Variants in DNAH11 observed in about 807,000 individuals in gnomAD.
The protein encoded by DNAH11 is axonemal beta dynein heavy chain 11.
A neutral mutation model predicts 526.0 loss-of-function variants in DNAH11; 442 were observed. That is an observed-to-expected ratio of 0.84 (90% CI 0.78 to 0.91). The LOEUF is 0.91. Ranked by LOEUF, DNAH11 falls within the 40% of genes least tolerant of loss-of-function variation. DNAH11 has a pLI of 0.00. For synonymous variants in DNAH11, 2,461 were observed against 1,935.9 expected (o/e 1.27, Z -7.12); for missense variants, 6,989 against 5,448.7 (o/e 1.28, Z -8.90).
chr7:21,898,369 GCC>G (rs776367138), intron 79 of DNAH11, among the ~76,000 whole-genome samples: 4 of 152,162 alleles, frequency 2.6e-5, no homozygotes, highest in East Asian at 3.9e-4. Context: ...AGCATTCTGA[GCC>G]TTTTCTTCTT....
intron 55 of DNAH11, among the ~76,000 whole-genome samples, chr7:21,771,609 G>T (rs1206440099): frequency 6.6e-6 from 1 of 152,074 alleles, no homozygotes; most frequent in Non-Finnish European, 1.5e-5. Flanking sequence ...CATCTTAGTG[G>T]GGAAACCTTG....
rs1020429478 is a variant in DNAH11, at chr7:21,688,746, C to T, written c.5924+1219C>T. ...GGGCCAAGACCTTTCAAATTATGTT[C>T]GAAATCTAAATGCTTCTCAACACAA... On this transcript the variant is annotated intron_variant, in intron 34 of 81. Coordinates refer to ENST00000409508, the MANE Select transcript of DNAH11 (RefSeq NM_001277115.2). 3.9e-5 allele frequency among the ~76,000 whole-genome samples: 6 copies of T among 152,206 alleles called. No individual in the cohort carries two copies. The South Asian group carries it at 1.0e-3, about 26-fold the overall frequency.
intron 9 of DNAH11, among the ~76,000 whole-genome samples, chr7:21,585,760 T>C (rs1784460721): frequency 6.6e-6 from 1 of 152,126 alleles, no homozygotes; most frequent in Admixed American, 6.5e-5. Flanking sequence ...CTAGGAAAAA[T>C]ATAAATATGT....
At chr7:21,741,355 A>G (rs1785886228) in intron 48 of DNAH11, among the ~76,000 whole-genome samples, 1 of 152,232 alleles carries the variant, frequency 6.6e-6, no homozygotes, top group Admixed American at 6.5e-5. Context: ...CATCTACTGA[A>G]GGACACCTTG....
chr7:21,616,342 C>G (rs1294848382), intron 22 of DNAH11, 50 bp downstream of exon 22: 1 of 1,401,806 alleles, frequency 7.1e-7, no homozygotes, highest in Non-Finnish European at 1.0e-6. Flanking sequence ...TCAGCACCAC[C>G]TCCTTCCATC....
chr7:21,788,558 A>G (rs1312139385), intron 60 of DNAH11, among the ~76,000 whole-genome samples: 1 of 152,012 alleles, frequency 6.6e-6, no homozygotes, highest in Non-Finnish European at 1.5e-5. Context: ...AAGAAAATTT[A>G]ATTTCCTTCC....
rs776718319 is a variant in DNAH11 at position 21,872,123 on chromosome 7, C to CAAAAAAAAAAAAAAAAAA, written c.11968-1142_11968-1125dup. ...TGGGTGACAGAGCGAGACTCTGTCTCAAAAAAAAAAAAAAAAAAAAAAAAA... is the reference window on the plus strand; with the variant it reads ...TGGGTGACAGAGCGAGACTCTGTCTCAAAAAAAAAAAAAAAAAAAAAAAAAAAAAAAAAAAAAAAAAAA... On this transcript the variant is annotated intron_variant, in intron 73 of 81. Coordinates refer to ENST00000409508, the MANE Select transcript of DNAH11 (RefSeq NM_001277115.2). Among the ~76,000 whole-genome samples, 64 of 30,830 alleles carry CAAAAAAAAAAAAAAAAAA rather than the reference C, an allele frequency of 2.1e-3. 18 individuals are homozygous for CAAAAAAAAAAAAAAAAAA. The highest frequency in any genetic ancestry group is 2.6e-3 in the Non-Finnish European group (47 of 17,974). 20.2% of individuals were successfully genotyped at this position (30,830 alleles called of 152,430 possible). A position where few individuals can be genotyped will look rare whatever the true frequency, so the allele number is the denominator to read the frequency against.
intron 2 of DNAH11, among the ~76,000 whole-genome samples, chr7:21,547,452 A>G (rs1782846927): frequency 6.6e-6 from 1 of 152,220 alleles, no homozygotes; most frequent in South Asian, 2.1e-4. Context: ...CAGTTACAGC[A>G]GGTAATTTAC....
At chr7:21,689,581 T>A (rs903216398) in intron 34 of DNAH11, among the ~76,000 whole-genome samples, 9 of 152,252 alleles carry the variant, frequency 5.9e-5, no homozygotes, top group African/African-American at 2.2e-4. Context: ...AAGAGGCAGT[T>A]ATTCTGTGGC....
intron 65 of DNAH11, among the ~76,000 whole-genome samples, chr7:21,823,917 G>C (rs1790161837): frequency 6.6e-6 from 1 of 152,138 alleles, no homozygotes; most frequent in African/African-American, 2.4e-5. Context: ...GCTAAAACCT[G>C]ATGACCTTGG....
chr7:21,691,623 G>A (rs1246195797), intron 35 of DNAH11, among the ~76,000 whole-genome samples: 1 of 152,136 alleles, frequency 6.6e-6, no homozygotes, highest in Non-Finnish European at 1.5e-5. Context: ...ATGTTTTCTA[G>A]CCTCCTTTTA....
chr7:21,587,879 T>G (rs1207051459), intron 9 of DNAH11, among the ~76,000 whole-genome samples, 185 bp from the exon 10 acceptor site: 1 of 152,118 alleles, frequency 6.6e-6, no homozygotes. Flanking sequence ...CATCTAGAAT[T>G]GGTTTATTGG....
intron 28 of DNAH11, among the ~76,000 whole-genome samples, chr7:21,646,743 G>A (rs1408811765): frequency 6.6e-6 from 1 of 152,172 alleles, no homozygotes; most frequent in Non-Finnish European, 1.5e-5. Context: ...TTTCCTGGTA[G>A]CGGGGAATAA....
chr7:21,726,891 A>AAAAAAG lies in DNAH11; in HGVS notation c.7440+907_7440+908insAAAAAG, dbSNP rs1269603324. ...AAAAAAAAAAAAAAAAAAAAAAAAA[A>AAAAAAG]GAATGCTTAGTGAGATGTCTGTTAT... On this transcript the variant is annotated intron_variant, in intron 45 of 81. Coordinates refer to ENST00000409508, the MANE Select transcript of DNAH11 (RefSeq NM_001277115.2). Among the ~76,000 whole-genome samples, 3 of 114,748 alleles carry AAAAAAG rather than the reference A, an allele frequency of 2.6e-5. No homozygotes were observed. In the East Asian group the frequency reaches 1.2e-3, roughly 45 times the overall value. 75.3% of individuals were successfully genotyped at this position (114,748 alleles called of 152,430 possible).
intron 61 of DNAH11, among the ~76,000 whole-genome samples, chr7:21,798,186 C>T (rs747472853): frequency 2.0e-5 from 3 of 152,202 alleles, no homozygotes; most frequent in Admixed American, 2.0e-4. Flanking sequence ...AAACTTGACT[C>T]CTAGGTTCAA....
At chr7:21,817,898 A>G (rs1224694802) in intron 64 of DNAH11, among the ~76,000 whole-genome samples, 1 of 152,222 alleles carries the variant, frequency 6.6e-6, no homozygotes, top group Non-Finnish European at 1.5e-5. Flanking sequence ...GAGCCATCAA[A>G]TGAATTTAAA....
Position 21,601,397 on chromosome 7 carries a change from C to G in DNAH11, c.3427C>G (p.Leu1143Val), listed in dbSNP as rs370095209. 3.1e-6 allele frequency: 5 copies of G among 1,610,254 alleles called. No homozygotes were observed. Among genetic ancestry groups the G allele is most frequent in the Non-Finnish European group, 4.2e-6 (5 of 1,178,012 alleles). Residue 1143 changes from leucine to valine, a missense_variant and splice_region_variant, in exon 18 of 82, where the codon CTG becomes GTG. Coordinates refer to ENST00000409508, the MANE Select transcript of DNAH11 (RefSeq NM_001277115.2). The part of the protein sequence containing the change: ...EHLLRFVIDS[L>V]NELQEFIKET... ...TCTATGTACATATATATTTAATAGT[C>G]TGAATGAGCTACAAGAATTTATAAA...
rs754774362 is a variant in DNAH11 at position 21,588,131 on chromosome 7, G to C, written c.1778G>C (p.Ser593Thr). 19 of 1,613,182 alleles carry C rather than the reference G, an allele frequency of 1.2e-5. No homozygotes were observed. The highest frequency in any genetic ancestry group is 1.7e-5 in the Admixed American group (1 of 59,918). ...VVMEIFSLHY[S>T]TLVHMFNTEL... ...ATGGAAATTTTCAGCCTACATTACA[G>C]CACACTAGTGCATATGTTTAATACA... The change falls in exon 10 of 82, where the codon AGC becomes ACC. Residue 593 changes from serine (S) to threonine (T), a missense_variant. Transcript: ENST00000409508.
chr7:21,591,158 T>C, intron 13 of DNAH11, 27 bp from the exon 14 acceptor site: 1 of 1,521,558 alleles, frequency 6.6e-7, no homozygotes, highest in Non-Finnish European at 8.7e-7. Flanking sequence ...ATTTGGCACT[T>C]TTTGTTTTGG....
Sources: allele counts gnomAD v4.1 joint callset (sites outside exome capture counted in the v4.1 genomes callset), GRCh38; gene constraint gnomAD v4.1.1; transcripts MANE v1.5; gene names NCBI Gene and HGNC (gene_info 2026-07-23, HGNC 2026-07-21).